LRRC37A2: variants seen among roughly 807,000 people sequenced by gnomAD.
The protein encoded by LRRC37A2 is leucine rich repeat containing 37 member A2.
LRRC37A2 carries 9 observed loss-of-function variants against 68.8 expected under a neutral mutation model. The ratio of observed to expected loss-of-function variants is 0.13; its 90% CI spans 0.08 to 0.23. The LOEUF (loss-of-function observed/expected upper bound fraction) is 0.23, where lower values mean the gene tolerates loss of function less well. Among genes scored for constraint, LRRC37A2 ranks in the 10% least tolerant of loss-of-function variants. The probability of loss-of-function intolerance (pLI) is 1.00; values close to 1 mark genes in which losing one functional copy is unlikely to be tolerated. For synonymous variants in LRRC37A2, 63 were observed against 367.6 expected (o/e 0.17, Z 9.48); for missense variants, 168 against 950.4 (o/e 0.18, Z 10.82).
At chr17:46,768,993 G>A in the LRRC37A2 span, among the ~76,000 whole-genome samples, 1 of 152,184 alleles carries the variant, frequency 6.6e-6, no homozygotes, top group Non-Finnish European at 1.5e-5. The surrounding 1 kb of genome is among the most constrained non-coding windows in gnomAD (Gnocchi z 5.0). Context: ...CACACCCCAA[G>A]CATGGGTAGA....
chr17:47,014,161 G>A, the LRRC37A2 span, among the ~76,000 whole-genome samples: 1 of 151,884 alleles, frequency 6.6e-6, no homozygotes, highest in Non-Finnish European at 1.5e-5. Context: ...GGAGGCCAAG[G>A]TGGGCGGATC....
chr17:46,780,524 C>T, the LRRC37A2 span, among the ~76,000 whole-genome samples: 1 of 152,240 alleles, frequency 6.6e-6, no homozygotes, highest in Non-Finnish European at 1.5e-5. Flanking sequence ...TGCGGTGGCT[C>T]ACGCTTGTAA....
At chr17:46,831,173 G>A in the LRRC37A2 span, among the ~76,000 whole-genome samples, 1 of 152,174 alleles carries the variant, frequency 6.6e-6, no homozygotes, top group Non-Finnish European at 1.5e-5. Context: ...CAGAGCTGAG[G>A]GCTTGCAGTC....
At chr17:46,824,808 G>A in the LRRC37A2 span, among the ~76,000 whole-genome samples, 140 of 152,282 alleles carry the variant, frequency 9.2e-4, 1 homozygote, top group Admixed American at 2.5e-3. Context: ...GGTCCTCAGT[G>A]CCCCTATCTT....
the LRRC37A2 span, among the ~76,000 whole-genome samples, chr17:46,771,502 C>A: frequency 6.7e-6 from 1 of 149,312 alleles, no homozygotes; most frequent in Non-Finnish European, 1.5e-5. Flanking sequence ...GCGGGGGCGG[C>A]GGGGGCGGGG....
chr17:46,908,847 T>C, the LRRC37A2 span, among the ~76,000 whole-genome samples: 1 of 152,132 alleles, frequency 6.6e-6, no homozygotes, highest in South Asian at 2.1e-4. Context: ...ATCCACTCTT[T>C]CGATCTGAGG....
chr17:46,798,228 C>T, the LRRC37A2 span, among the ~76,000 whole-genome samples: 5 of 152,090 alleles, frequency 3.3e-5, no homozygotes, highest in Non-Finnish European at 7.4e-5. Context: ...TGTGCCCAGC[C>T]AAAAACCAGT....
the LRRC37A2 span, among the ~76,000 whole-genome samples, chr17:46,787,591 GC>G: frequency 6.6e-6 from 1 of 152,114 alleles, no homozygotes; most frequent in Non-Finnish European, 1.5e-5. Context: ...TTCTTGAAGT[GC>G]CCCAGACCTG....
At chr17:46,950,929 G>A in the LRRC37A2 span, among the ~76,000 whole-genome samples, 2 of 152,168 alleles carry the variant, frequency 1.3e-5, no homozygotes, top group South Asian at 4.1e-4. Context: ...GGAGTCAGAG[G>A]GGGAAGTCAC....
chr17:46,833,472 C>A, the LRRC37A2 span: 3 of 487,982 alleles, frequency 6.1e-6, no homozygotes, highest in Non-Finnish European at 8.2e-6. Context: ...ACAGCCAACC[C>A]ACCCCGACTC....
At chr17:47,041,297 T>TC in the LRRC37A2 span, among the ~76,000 whole-genome samples, 112 of 4,648 alleles carry the variant, frequency 0.024, no homozygotes, top group Non-Finnish European at 0.029. Flanking sequence ...CTCACTGTTC[T>TC]TACAGAAATT....
At chr17:47,049,124 T>C in the LRRC37A2 span, 2 of 1,113,172 alleles carry the variant, frequency 1.8e-6, no homozygotes, top group African/African-American at 1.5e-5. Flanking sequence ...CTACTCTGTG[T>C]GACTGGGGTG....
At chr17:46,942,451 G>GC in the LRRC37A2 span, among the ~76,000 whole-genome samples, 1 of 152,194 alleles carries the variant, frequency 6.6e-6, no homozygotes, top group African/African-American at 2.4e-5. Flanking sequence ...AGAGGAGCTG[G>GC]CCCCTCATCC....
chr17:47,011,384 A>C, the LRRC37A2 span, among the ~76,000 whole-genome samples: 1 of 151,988 alleles, frequency 6.6e-6, no homozygotes, highest in Admixed American at 6.6e-5. Context: ...CCCCATCTCT[A>C]CTAAAAATAC....
chr17:46,923,169 G>C, the LRRC37A2 span: 7 of 1,482,558 alleles, frequency 4.7e-6, no homozygotes, highest in South Asian at 6.0e-5. Flanking sequence ...CAGAGCCGGA[G>C]CCGTGGCCTG....
the LRRC37A2 span, chr17:47,019,439 A>G: frequency 3.7e-6 from 6 of 1,610,708 alleles, no homozygotes; most frequent in African/African-American, 1.4e-5. Context: ...CTCAGCCTCC[A>G]GACCTAGGGC....
the LRRC37A2 span, among the ~76,000 whole-genome samples, chr17:46,775,100 A>G: frequency 6.6e-6 from 1 of 152,226 alleles, no homozygotes; most frequent in African/African-American, 2.4e-5. Context: ...GCTTTTTAGT[A>G]CACAAAAGCT....
At chr17:46,740,667 T>C in the LRRC37A2 span, among the ~76,000 whole-genome samples, 1 of 151,744 alleles carries the variant, frequency 6.6e-6, no homozygotes, top group Non-Finnish European at 1.5e-5. Context: ...TTTTTCTTTT[T>C]TTTTTTTTTT....
chr17:46,772,594 T>A, the LRRC37A2 span, among the ~76,000 whole-genome samples: 1 of 152,238 alleles, frequency 6.6e-6, no homozygotes, highest in South Asian at 2.1e-4. Flanking sequence ...CAACAAGGAA[T>A]AATTAGTTTT....
Sources: allele counts gnomAD v4.1 joint callset (sites outside exome capture counted in the v4.1 genomes callset), GRCh38; gene constraint gnomAD v4.1.1; non-coding constraint Gnocchi (gnomAD v3.1); transcripts MANE v1.5; gene names NCBI Gene and HGNC (gene_info 2026-07-23, HGNC 2026-07-21).